Variants in POLR1C observed in about 807,000 individuals in gnomAD.
POLR1C encodes the protein DNA-directed RNA polymerases I and III subunit RPAC1.
POLR1C carries 42 observed loss-of-function variants against 38.3 expected under a neutral mutation model. The observed-to-expected ratio is 1.10, with a 90% confidence interval of 0.86 to 1.42. The LOEUF is 1.42. Ranked by LOEUF, POLR1C falls within the 40% of genes most tolerant of loss-of-function variation. POLR1C has a pLI of 0.00. For missense variants in POLR1C, 507 were observed against 450.5 expected (o/e 1.13, Z -1.14); for synonymous variants, 163 against 163.9 (o/e 0.99, Z 0.04).
chr6:43,517,433 GA>G, intron 2 of POLR1C, 56 bp downstream of exon 2: 4 of 1,461,252 alleles, frequency 2.7e-6, no homozygotes, highest in Non-Finnish European at 3.8e-6. Context: ...CTTGTGGTCT[GA>G]GCAGCCTGTG....
downstream of POLR1C, chr6:43,525,824 G>A (rs1033052960): frequency 1.2e-6 from 2 of 1,613,664 alleles, no homozygotes; most frequent in Admixed American, 3.3e-5. Flanking sequence ...GGTATCACCT[G>A]CTCCTTCTAC....
intron 10 of POLR1C, chr6:43,554,930 T>C (rs1019174810): frequency 6.7e-6 from 1 of 149,790 alleles, no homozygotes; most frequent in African/African-American, 2.5e-5. Flanking sequence ...CGTGCACTAG[T>C]TAATTCACTT....
chr6:43,561,291 A>C, intron 10 of POLR1C: 1 of 350,126 alleles, frequency 2.9e-6, no homozygotes, highest in Non-Finnish European at 5.2e-6. Flanking sequence ...AAATTACAGA[A>C]AGAAAAAAAA....
chr6:43,522,790 ACT>A (rs779471810), downstream of POLR1C: 2 of 425,396 alleles, frequency 4.7e-6, no homozygotes, highest in African/African-American at 4.1e-5. Context: ...GTATGGATTA[ACT>A]CTGCCTTACG....
intron 10 of POLR1C, among the ~76,000 whole-genome samples, chr6:43,554,681 C>T (rs759756759): frequency 6.6e-6 from 1 of 152,172 alleles, no homozygotes; most frequent in South Asian, 2.1e-4. Context: ...CCTCGGCCTC[C>T]TGAAGTGCTA....
At chr6:43,533,860 AT>A, downstream of POLR1C, 1 of 1,428,890 alleles carries the variant, frequency 7.0e-7, no homozygotes, top group South Asian at 1.2e-5. Context: ...GGGGACATCC[AT>A]TAGGGATAAG....
chr6:43,539,499 A>C (rs894885418), intron 9 of POLR1C: 13 of 1,570,500 alleles, frequency 8.3e-6, no homozygotes, highest in Non-Finnish European at 1.0e-5. Flanking sequence ...TCCTTGACCA[A>C]GCGGCCCAGC....
chr6:43,559,788 G>A (rs1254584229), intron 10 of POLR1C, among the ~76,000 whole-genome samples: 1 of 152,172 alleles, frequency 6.6e-6, no homozygotes, highest in African/African-American at 2.4e-5. Flanking sequence ...TAGTGATGAA[G>A]AAGGGCTGTT....
intron 9 of POLR1C, chr6:43,548,247 G>A (rs1042824441): frequency 1.9e-6 from 3 of 1,582,236 alleles, no homozygotes; most frequent in Non-Finnish European, 2.6e-6. Flanking sequence ...GTCAGGGCAA[G>A]GGATCTCCTT....
chr6:43,546,553 G>C, intron 9 of POLR1C: 1 of 1,589,252 alleles, frequency 6.3e-7, no homozygotes, highest in African/African-American at 1.4e-5. Flanking sequence ...ACAGAGAAAA[G>C]CCATTATTCT....
chr6:43,521,110 C>T, intron 8 of POLR1C, 62 bp downstream of exon 8: 1 of 1,598,734 alleles, frequency 6.3e-7, no homozygotes, highest in Non-Finnish European at 8.6e-7. Context: ...TCCTTCCAGT[C>T]TAGATGTGAA....
At chr6:43,558,436 A>G (rs1762230978) in intron 10 of POLR1C, 2 of 1,411,510 alleles carry the variant, frequency 1.4e-6, no homozygotes, top group Non-Finnish European at 1.9e-6. Context: ...ACCATGCACC[A>G]TGATTCATAA....
intron 9 of POLR1C, among the ~76,000 whole-genome samples, chr6:43,540,081 C>A (rs941125492): frequency 6.6e-6 from 1 of 152,168 alleles, no homozygotes; most frequent in Non-Finnish European, 1.5e-5. Context: ...CATGATGAAA[C>A]CCTGTCTCTA....
At chr6:43,527,524 G>A (rs1420048993) in intron 8 of POLR1C, 6 of 1,077,908 alleles carry the variant, frequency 5.6e-6, no homozygotes, top group South Asian at 2.9e-5. Context: ...CACCATGCCC[G>A]CCGCAAACAT....
At chr6:43,558,403 G>C (rs1405017985) in intron 10 of POLR1C, 3 of 1,087,040 alleles carry the variant, frequency 2.8e-6, no homozygotes, top group South Asian at 1.7e-5. Flanking sequence ...CAGATTTGGG[G>C]ATCTTTCGTA....
chr6:43,546,496 T>A, intron 9 of POLR1C: 1 of 1,450,420 alleles, frequency 6.9e-7, no homozygotes, highest in Non-Finnish European at 9.2e-7. Flanking sequence ...TATGAAGACA[T>A]GTAAACAGAC....
At chr6:43,555,675 TG>T (rs1482040499) in intron 10 of POLR1C, 4 of 730,552 alleles carry the variant, frequency 5.5e-6, no homozygotes, top group Non-Finnish European at 8.0e-6. Context: ...GCTTTCTTTG[TG>T]TCAGCCAATG....
At chr6:43,558,456 C>G in intron 10 of POLR1C, 1 of 1,497,610 alleles carries the variant, frequency 6.7e-7, no homozygotes, top group South Asian at 1.3e-5. Flanking sequence ...ATACTAGATG[C>G]CATTCTGAGA....
At chr6:43,518,133 G>A (rs1015032542) in intron 2 of POLR1C, among the ~76,000 whole-genome samples, 1 of 152,152 alleles carries the variant, frequency 6.6e-6, no homozygotes, top group Non-Finnish European at 1.5e-5. Context: ...TTGATGATAG[G>A]GAGATTGAAT....
Sources: gnomAD v4.1 joint callset for allele counts (sites outside exome capture counted in the v4.1 genomes callset) on GRCh38, gnomAD v4.1.1 for gene constraint, MANE v1.5 for transcripts, NCBI Gene and HGNC (gene_info 2026-07-23, HGNC 2026-07-21) for gene names.